The following PRP4K variants were observed in gnomAD, a reference collection of about 807,000 sequenced individuals.
PRP4K encodes the protein serine/threonine-protein kinase PRP4 homolog.
the PRP4K span, chr6:4,049,984 C>A: frequency 5.7e-6 from 7 of 1,221,800 alleles, no homozygotes; most frequent in South Asian, 3.5e-5. Flanking sequence ...ATGTGTAAAA[C>A]AAGTATTGCA....
At chr6:4,051,613 G>A in the PRP4K span, among the ~76,000 whole-genome samples, 2 of 152,114 alleles carry the variant, frequency 1.3e-5, no homozygotes, top group Non-Finnish European at 2.9e-5. Flanking sequence ...TACCGCGCCT[G>A]GCCTGTTTTG....
chr6:4,064,723 C>G, the PRP4K span: 1 of 152,536 alleles, frequency 6.6e-6, no homozygotes, highest in Non-Finnish European at 1.5e-5. Context: ...ATAATGTATG[C>G]TAAATTAAAA....
the PRP4K span, among the ~76,000 whole-genome samples, chr6:4,025,538 G>A: frequency 6.6e-6 from 1 of 152,088 alleles, no homozygotes; most frequent in Non-Finnish European, 1.5e-5. Flanking sequence ...TGATTGTACC[G>A]AGCTGGTAGC....
chr6:4,026,424 T>TC, the PRP4K span, among the ~76,000 whole-genome samples: 1 of 151,356 alleles, frequency 6.6e-6, no homozygotes, highest in Non-Finnish European at 1.5e-5. Flanking sequence ...TGCCTCAGCC[T>TC]CCGGAGTAGC....
At chr6:4,041,820 G>A in the PRP4K span, among the ~76,000 whole-genome samples, 2 of 152,310 alleles carry the variant, frequency 1.3e-5, no homozygotes, top group East Asian at 1.9e-4. Context: ...TTAAAACCAG[G>A]TGATTAAAGT....
chr6:4,044,186 G>C, the PRP4K span: 1 of 647,836 alleles, frequency 1.5e-6, no homozygotes, highest in Non-Finnish European at 2.6e-6. Flanking sequence ...CCTTAGAAAT[G>C]TTCTCTATAA....
chr6:4,043,560 G>T, the PRP4K span, among the ~76,000 whole-genome samples: 1 of 152,048 alleles, frequency 6.6e-6, no homozygotes, highest in East Asian at 1.9e-4. Flanking sequence ...ACAATAAATG[G>T]TGCCTCATCT....
At chr6:4,059,787 A>G in the PRP4K span, among the ~76,000 whole-genome samples, 1 of 152,126 alleles carries the variant, frequency 6.6e-6, no homozygotes, top group Non-Finnish European at 1.5e-5. Context: ...CTGGGATTAC[A>G]ATTGTGTGCC....
chr6:4,044,499 G>A, the PRP4K span, among the ~76,000 whole-genome samples: 1 of 152,100 alleles, frequency 6.6e-6, no homozygotes, highest in Admixed American at 6.5e-5. Context: ...CTCCAGAGAT[G>A]TCTAATGAGA....
At chr6:4,053,457 C>G in the PRP4K span, among the ~76,000 whole-genome samples, 1 of 152,168 alleles carries the variant, frequency 6.6e-6, no homozygotes, top group Non-Finnish European at 1.5e-5. Context: ...CTCTCACCCT[C>G]CAGCCTCTGA....
chr6:4,023,367 A>G, the PRP4K span, among the ~76,000 whole-genome samples: 1 of 152,120 alleles, frequency 6.6e-6, no homozygotes, highest in Non-Finnish European at 1.5e-5. Context: ...TATTTTAGAG[A>G]TGATGAAACT....
the PRP4K span, chr6:4,060,640 T>C: frequency 1.9e-6 from 3 of 1,590,838 alleles, no homozygotes; most frequent in Non-Finnish European, 2.6e-6. This position sits in a 1 kb window ranked among gnomAD's most constrained non-coding sequence, Gnocchi z 4.7. Context: ...ACTCCAAGGG[T>C]TTGAGTAAAT....
chr6:4,044,167 T>A, the PRP4K span: 1 of 686,052 alleles, frequency 1.5e-6, no homozygotes, highest in Non-Finnish European at 2.4e-6. Flanking sequence ...AATATAATAT[T>A]AAATATGTCC....
the PRP4K span, chr6:4,060,478 C>T: frequency 1.1e-5 from 17 of 1,613,810 alleles, no homozygotes; most frequent in South Asian, 1.9e-4. The surrounding 1 kb of genome is among the most constrained non-coding windows in gnomAD (Gnocchi z 4.7). Context: ...TGATTGGGTG[C>T]CAGAGACTTC....
the PRP4K span, chr6:4,049,934 C>A: frequency 1.3e-6 from 2 of 1,532,026 alleles, no homozygotes; most frequent in South Asian, 1.2e-5. Flanking sequence ...TACAGAAGAA[C>A]ATATTTTTAA....
At chr6:4,040,825 G>C in the PRP4K span, 1 of 1,614,068 alleles carries the variant, frequency 6.2e-7, no homozygotes, top group African/African-American at 1.3e-5. Context: ...CGATCACGCG[G>C]TGGTCGTAGA....
At chr6:4,039,851 C>G in the PRP4K span, among the ~76,000 whole-genome samples, 1 of 107,338 alleles carries the variant, frequency 9.3e-6, no homozygotes, top group South Asian at 3.5e-4. Flanking sequence ...CCCCTCCCTT[C>G]CCCTCCGATC....
At chr6:4,059,913 G>A in the PRP4K span, among the ~76,000 whole-genome samples, 1 of 152,196 alleles carries the variant, frequency 6.6e-6, no homozygotes, top group Non-Finnish European at 1.5e-5. Context: ...CCAAAGTGCT[G>A]GGATTACAGG....
the PRP4K span, among the ~76,000 whole-genome samples, chr6:4,024,159 C>G: frequency 1.6e-3 from 246 of 152,162 alleles, no homozygotes; most frequent in Admixed American, 3.3e-3. Context: ...GCTACCGTGC[C>G]GAGCCATGCC....
Sources: allele counts gnomAD v4.1 joint callset (sites outside exome capture counted in the v4.1 genomes callset), GRCh38; gene constraint gnomAD v4.1.1; non-coding constraint Gnocchi (gnomAD v3.1); transcripts MANE v1.5; gene names NCBI Gene and HGNC (gene_info 2026-07-23, HGNC 2026-07-21).